Variants in C22orf31 observed in about 807,000 individuals in gnomAD.
C22orf31 encodes the protein uncharacterized protein C22orf31.
C22orf31 carries 11 observed loss-of-function variants against 15.0 expected under a neutral mutation model. The ratio of observed to expected loss-of-function variants is 0.73; its 90% CI spans 0.46 to 1.21. The LOEUF is 1.21. C22orf31 is among the 50% of genes most tolerant of loss of function. C22orf31 has a pLI of 0.00. For missense variants in C22orf31, 340 were observed against 347.2 expected, an observed-to-expected ratio of 0.98 and a Z score of 0.17; for synonymous variants, 132 against 133.3, an observed-to-expected ratio of 0.99 and a Z score of 0.07.
At chr22:29,067,473 G>A in the C22orf31 span, among the ~76,000 whole-genome samples, 6 of 150,818 alleles carry the variant, frequency 4.0e-5, no homozygotes, top group South Asian at 6.3e-4. Flanking sequence ...ACAGACTCTC[G>A]CTTTCTCGCC....
rs774325122 is a variant in C22orf31 at position 29,060,815 on chromosome 22, C to A, written c.32G>T (p.Ser11Ile). Residue 11 changes from serine to isoleucine, a missense_variant, in exon 2 of 3, where the codon AGC (serine) becomes ATC (isoleucine). Transcript: ENST00000216071. MHPINVRRDP[S>I]IPIYGLRQSI... ...CTGTCGGAGTCCATAGATAGGGATG[C>A]TGGGGTCTCGTCTCACATTGATTGG... is the stretch of plus-strand genomic sequence containing the variant. The A allele has an allele frequency of 2.5e-6, 4 of 1,613,838 alleles. No individual in the cohort carries two copies. The South Asian group carries it at 4.4e-5, about 18-fold the overall frequency.
chr22:29,059,322 T>C, intron 2 of C22orf31, 140 bp from the exon 3 acceptor site: 1 of 675,386 alleles, frequency 1.5e-6, no homozygotes, highest in Non-Finnish European at 2.5e-6. Flanking sequence ...ACTGAATTCC[T>C]TTATGTACAT....
chr22:29,062,841 C>T (rs527354628), upstream of C22orf31, among the ~76,000 whole-genome samples: 2 of 152,166 alleles, frequency 1.3e-5, no homozygotes, highest in South Asian at 2.1e-4. Flanking sequence ...GGCCTCACCT[C>T]CTAAGAGCTG....
In C22orf31 at chr22:29,058,976, G is replaced by C. The variant is rs377069164; in HGVS notation, c.639C>G (p.Tyr213Ter). 6 of 1,613,920 alleles carry C rather than the reference G, an allele frequency of 3.7e-6. No individual in the cohort carries two copies. The highest frequency in any genetic ancestry group is 5.1e-6 in the Non-Finnish European group (6 of 1,179,902). The change falls in exon 3 of 3, where the codon TAC (tyrosine) becomes TAG (stop). Residue 213 changes from tyrosine to a stop codon, truncating the protein, a stop_gained. Transcript: ENST00000216071. LOFTEE classifies it low-confidence loss of function (END_TRUNC). The stretch of plus-strand genomic sequence containing the variant: ...CCACCACAGCGTGGTACAGAGCCTG[G>C]TAACCCTCTGTGGGGAGACCATGGA... ...LTIHGLPTEG[Y>*]QALYHAVVEP...
the C22orf31 span, among the ~76,000 whole-genome samples, chr22:29,071,741 G>C: frequency 1.3e-5 from 2 of 152,192 alleles, no homozygotes; most frequent in Admixed American, 6.5e-5. Flanking sequence ...CCCCGGGTGC[G>C]GCAGGGGAAG....
upstream of C22orf31, among the ~76,000 whole-genome samples, chr22:29,062,069 T>G (rs1369365000): frequency 1.3e-5 from 2 of 152,126 alleles, no homozygotes; most frequent in Non-Finnish European, 2.9e-5. Flanking sequence ...ATTTTATAGT[T>G]AAATTATGTG....
At chr22:29,067,152 G>A in the C22orf31 span, among the ~76,000 whole-genome samples, 4 of 151,790 alleles carry the variant, frequency 2.6e-5, no homozygotes, top group African/African-American at 7.3e-5. Context: ...TGTTCATAAT[G>A]GATTTTTTTG....
the C22orf31 span, among the ~76,000 whole-genome samples, chr22:29,071,190 G>A: frequency 1.3e-5 from 2 of 152,168 alleles, no homozygotes; most frequent in Non-Finnish European, 2.9e-5. Flanking sequence ...GACCGAGGCT[G>A]GCTGGGTGAG....
chr22:29,063,994 A>G (rs1482942617), upstream of C22orf31, among the ~76,000 whole-genome samples: 3 of 152,066 alleles, frequency 2.0e-5, no homozygotes, highest in East Asian at 3.9e-4. Flanking sequence ...CAGCCTCCCA[A>G]GTAGCTGGGA....
At chr22:29,062,853 G>A (rs897224376), upstream of C22orf31, among the ~76,000 whole-genome samples, 7 of 152,062 alleles carry the variant, frequency 4.6e-5, no homozygotes, top group African/African-American at 1.4e-4. Flanking sequence ...TAAGAGCTGG[G>A]TCGATTTTAG....
intron 2 of C22orf31, chr22:29,060,103 C>T: frequency 2.4e-6 from 1 of 416,298 alleles, no homozygotes. Context: ...GCAATCATGG[C>T]TCACTGCAGC....
chr22:29,064,581 ACGGCTCATGAGAGCCTCGACCTC>A (rs995496878), upstream of C22orf31, among the ~76,000 whole-genome samples: 12 of 148,140 alleles, frequency 8.1e-5, no homozygotes, highest in Admixed American at 4.1e-4. Flanking sequence ...TGGTGTGATC[ACGGCTCATGAGAGCCTCGACCTC>A]CTGGGCTCAA....
chr22:29,073,395 C>T, the C22orf31 span, among the ~76,000 whole-genome samples: 1 of 151,612 alleles, frequency 6.6e-6, no homozygotes, highest in Non-Finnish European at 1.5e-5. This position sits in a 1 kb window ranked among gnomAD's most constrained non-coding sequence, Gnocchi z 4.4. Flanking sequence ...TTCCTGGGAC[C>T]CGGGCTACCC....
At chr22:29,063,833 A>C (rs1458496395), upstream of C22orf31, among the ~76,000 whole-genome samples, 3 of 152,138 alleles carry the variant, frequency 2.0e-5, no homozygotes, top group Non-Finnish European at 4.4e-5. Flanking sequence ...GTAACCAACA[A>C]AGGCTGAACC....
At chr22:29,059,285 C>A in intron 2 of C22orf31, 103 bp from the exon 3 acceptor site, 1 of 833,120 alleles carries the variant, frequency 1.2e-6, no homozygotes, top group Non-Finnish European at 1.9e-6. Flanking sequence ...CAGCAACAAC[C>A]AACATTTGTC....
the C22orf31 span, among the ~76,000 whole-genome samples, chr22:29,069,916 A>G: frequency 1.4e-5 from 2 of 145,898 alleles, no homozygotes; most frequent in Admixed American, 1.4e-4. Context: ...TTATCTTTTC[A>G]TCTTCTGCTG....
chr22:29,073,058 C>A, the C22orf31 span: 1 of 321,920 alleles, frequency 3.1e-6, no homozygotes. The surrounding 1 kb of genome is among the most constrained non-coding windows in gnomAD (Gnocchi z 4.4). Flanking sequence ...GTCCTGCTCC[C>A]ATGGCCGCCC....
upstream of C22orf31, among the ~76,000 whole-genome samples, chr22:29,062,980 G>T (rs956386787): frequency 1.3e-5 from 2 of 152,050 alleles, no homozygotes; most frequent in African/African-American, 4.8e-5. Flanking sequence ...GGGCTCCTGG[G>T]CTACCTGGAA....
At chr22:29,068,868 C>T in the C22orf31 span, among the ~76,000 whole-genome samples, 4 of 150,610 alleles carry the variant, frequency 2.7e-5, no homozygotes, top group Non-Finnish European at 4.4e-5. Context: ...GGGTTCAAGC[C>T]ATTCTCCTGC....
Sources: gnomAD v4.1 joint callset for allele counts (sites outside exome capture counted in the v4.1 genomes callset) on GRCh38, gnomAD v4.1.1 for gene constraint, Gnocchi (gnomAD v3.1) non-coding constraint, MANE v1.5 for transcripts, NCBI Gene and HGNC (gene_info 2026-07-23, HGNC 2026-07-21) for gene names.